The following ANKS1B variants were observed in gnomAD, a reference collection of about 807,000 sequenced individuals.
The protein encoded by ANKS1B is ankyrin repeat and sterile alpha motif domain containing 1B.
A neutral mutation model predicts 148.3 loss-of-function variants in ANKS1B; 36 were observed. That is an observed-to-expected ratio of 0.24 (90% CI 0.19 to 0.32). The LOEUF is 0.32. ANKS1B is among the 10% of genes least tolerant of loss of function. ANKS1B has a pLI of 1.00. For missense variants in ANKS1B, 1,157 were observed against 1,542.6 expected, an observed-to-expected ratio of 0.75 and a Z score of 4.19; for synonymous variants, 542 against 560.8, an observed-to-expected ratio of 0.97 and a Z score of 0.47.
chr12:98,781,490 T>C (rs1254502805), intron 23 of ANKS1B: 2 of 523,428 alleles, frequency 3.8e-6, no homozygotes, highest in African/African-American at 1.9e-5. Context: ...GAAGGAGTAC[T>C]TCTTTTCCCT....
chr12:99,205,531 G>A (rs974274948), intron 14 of ANKS1B, among the ~76,000 whole-genome samples: 25 of 152,214 alleles, frequency 1.6e-4, no homozygotes, highest in African/African-American at 2.9e-4. Flanking sequence ...CTTGGGGAAC[G>A]CAGGAGAGAT....
chr12:99,532,271 C>T (rs1020341956), intron 9 of ANKS1B, among the ~76,000 whole-genome samples: 3 of 151,476 alleles, frequency 2.0e-5, no homozygotes, highest in Non-Finnish European at 3.0e-5. Context: ...TTGCCGAAGG[C>T]AATATCCAGA....
At chr12:99,508,901 T>C (rs1288437351) in intron 9 of ANKS1B, among the ~76,000 whole-genome samples, 1 of 151,938 alleles carries the variant, frequency 6.6e-6, no homozygotes, top group Non-Finnish European at 1.5e-5. Context: ...AATAAAGATT[T>C]ATGGCAACCG....
chr12:99,254,386 A>G (rs1030859471), intron 12 of ANKS1B, among the ~76,000 whole-genome samples: 2 of 152,238 alleles, frequency 1.3e-5, no homozygotes, highest in African/African-American at 2.4e-5. Flanking sequence ...CACTTTCATT[A>G]TCTCATGAGT....
chr12:99,411,597 C>T (rs11109827), intron 11 of ANKS1B, among the ~76,000 whole-genome samples: 15,022 of 152,028 alleles, frequency 0.099, 889 homozygotes, highest in Non-Finnish European at 0.13. Flanking sequence ...ATACATATGA[C>T]GAAAATATTT....
In ANKS1B at chr12:99,666,895, T is replaced by TGTGTGTGG. The variant is rs374573568; in HGVS notation, c.1129-11686_1129-11685insCCACACAC. Among the ~76,000 whole-genome samples, 592 of 144,852 alleles carry TGTGTGTGG rather than the reference T, an allele frequency of 4.1e-3. 4 individuals are homozygous for TGTGTGTGG. The highest frequency in any genetic ancestry group is 0.01 in the Middle Eastern group (3 of 288). ...GTGTGTGTGTGTGTGTGTGTGTGTG[T>TGTGTGTGG]GGTGAGGACACTTAGAATCAACTCT... On this transcript the variant is annotated intron_variant, in intron 8 of 26. Coordinates refer to ENST00000683438, the MANE Select transcript of ANKS1B (RefSeq NM_001352186.2).
At chr12:99,917,716 A>G (rs1233985025) in intron 1 of ANKS1B, among the ~76,000 whole-genome samples, 1 of 152,164 alleles carries the variant, frequency 6.6e-6, no homozygotes, top group Non-Finnish European at 1.5e-5. Context: ...CTAGCACTCC[A>G]TCAAGCTGAT....
intron 1 of ANKS1B, among the ~76,000 whole-genome samples, chr12:99,917,020 T>A (rs979128617): frequency 6.6e-6 from 1 of 152,180 alleles, no homozygotes; most frequent in Admixed American, 6.5e-5. Context: ...CTTCACATGA[T>A]CAGTTTGAGT....
intron 17 of ANKS1B, among the ~76,000 whole-genome samples, chr12:98,860,980 G>C (rs1326135487): frequency 2.0e-5 from 3 of 152,128 alleles, no homozygotes; most frequent in Non-Finnish European, 2.9e-5. Context: ...TTTTTGAGAG[G>C]TGAGGGGACA....
chr12:99,487,032 C>T (rs946148601), intron 10 of ANKS1B, among the ~76,000 whole-genome samples: 7 of 152,150 alleles, frequency 4.6e-5, no homozygotes, highest in Admixed American at 1.3e-4. Context: ...ATCAAATGCA[C>T]CAGGGCTGAT....
intron 1 of ANKS1B, among the ~76,000 whole-genome samples, chr12:99,898,160 G>C (rs1334264950): frequency 6.6e-6 from 1 of 152,006 alleles, no homozygotes; most frequent in Non-Finnish European, 1.5e-5. Flanking sequence ...CTGTAGTTTG[G>C]ACAACTAGTA....
chr12:99,476,889 T>C (rs542190424), intron 10 of ANKS1B, among the ~76,000 whole-genome samples: 14 of 152,092 alleles, frequency 9.2e-5, no homozygotes, highest in African/African-American at 3.1e-4. Flanking sequence ...CTGGGAGAAA[T>C]TGACTTCAAA....
intron 1 of ANKS1B, among the ~76,000 whole-genome samples, chr12:99,826,651 T>C (rs894139478): frequency 2.0e-5 from 3 of 152,172 alleles, no homozygotes; most frequent in Non-Finnish European, 4.4e-5. Context: ...TGACTCCTAG[T>C]TTGCAGACGT....
chr12:99,773,014 C>T lies in ANKS1B; in HGVS notation c.1036G>A (p.Glu346Lys). The change falls in exon 8 of 27, where the codon GAA becomes AAA. Residue 346 changes from glutamate to lysine, a missense_variant. Physicochemically the swap from Glu to Lys is moderately conservative, Grantham distance 56 (BLOSUM62 1). Transcript: ENST00000683438. ...TCTGATATTGTGTGGCACAAGTCTTCAAACGAATAATCCTTTTCTTGACAG... is the reference window on the plus strand; with the variant it reads ...TCTGATATTGTGTGGCACAAGTCTTTAAACGAATAATCCTTTTCTTGACAG... ...KLCQEKDYSF[E>K]DLCHTISDHY... The T allele has an allele frequency of 1.2e-6, 2 of 1,611,704 alleles. No individual in the cohort carries two copies. The highest frequency in any genetic ancestry group is 8.5e-7 in the Non-Finnish European group (1 of 1,178,486).
intron 19 of ANKS1B, among the ~76,000 whole-genome samples, chr12:98,819,732 C>T (rs2099169049): frequency 6.6e-6 from 1 of 152,150 alleles, no homozygotes; most frequent in Admixed American, 6.5e-5. Context: ...TTAAAATTCT[C>T]TGCTTTTCTT....
At chr12:99,124,244 G>A (rs148530295) in intron 15 of ANKS1B, among the ~76,000 whole-genome samples, 179 of 152,266 alleles carry the variant, frequency 1.2e-3, no homozygotes, top group African/African-American at 4.1e-3. Flanking sequence ...CTTAGAGCAG[G>A]TGCCAAGGAT....
At chr12:99,821,013 A>C (rs952605973) in intron 2 of ANKS1B, among the ~76,000 whole-genome samples, 3 of 152,046 alleles carry the variant, frequency 2.0e-5, no homozygotes, top group African/African-American at 7.2e-5. Context: ...TTCATAGATT[A>C]TTTAAACTTG....
chr12:99,815,906 T>A (rs1289947799), intron 2 of ANKS1B, among the ~76,000 whole-genome samples: 1 of 151,850 alleles, frequency 6.6e-6, no homozygotes, highest in Non-Finnish European at 1.5e-5. Flanking sequence ...CTTAGGTTGG[T>A]TCCATATCCT....
At chr12:98,759,207 T>G (rs952769383) in intron 25 of ANKS1B, among the ~76,000 whole-genome samples, 13 of 152,322 alleles carry the variant, frequency 8.5e-5, no homozygotes, top group African/African-American at 3.1e-4. Flanking sequence ...GCTGAAGATA[T>G]GCAGGTCAGC....
Sources: gnomAD v4.1 joint callset for allele counts (sites outside exome capture counted in the v4.1 genomes callset) on GRCh38, gnomAD v4.1.1 for gene constraint, MANE v1.5 for transcripts, NCBI Gene and HGNC (gene_info 2026-07-23, HGNC 2026-07-21) for gene names.